HS6ST3: variants seen among roughly 807,000 people sequenced by gnomAD.
HS6ST3 encodes heparan sulfate 6-O-sulfotransferase 3.
A neutral mutation model predicts 36.7 loss-of-function variants in HS6ST3; 12 were observed. The ratio of observed to expected loss-of-function variants is 0.33; its 90% CI spans 0.21 to 0.53. The LOEUF is 0.53. Ranked by LOEUF, HS6ST3 falls within the 20% of genes least tolerant of loss-of-function variation. The probability of loss-of-function intolerance (pLI) is 0.95; values close to 1 mark genes in which losing one functional copy is unlikely to be tolerated. For synonymous variants in HS6ST3, 240 were observed against 257.5 expected (o/e 0.93, Z 0.65); for missense variants, 584 against 640.9 (o/e 0.91, Z 0.96).
chr13:96,334,593 G>T (rs1208056386), intron 1 of HS6ST3, among the ~76,000 whole-genome samples: 2 of 152,234 alleles, frequency 1.3e-5, no homozygotes, highest in African/African-American at 4.8e-5. Context: ...AATGATGGTG[G>T]AAGTCAAGGA....
chr13:96,475,630 A>G (rs2055860428), intron 1 of HS6ST3, among the ~76,000 whole-genome samples: 1 of 151,012 alleles, frequency 6.6e-6, no homozygotes, highest in Non-Finnish European at 1.5e-5. Context: ...AAAAAAAAAA[A>G]GAAAAGAAAG....
At chr13:96,799,121 G>A (rs966804139) in intron 1 of HS6ST3, among the ~76,000 whole-genome samples, 2 of 152,088 alleles carry the variant, frequency 1.3e-5, no homozygotes, top group Non-Finnish European at 2.9e-5. Flanking sequence ...TTCGACTTAT[G>A]AATCTTTTAA....
chr13:96,127,854 A>T (rs982715963), intron 1 of HS6ST3, among the ~76,000 whole-genome samples: 4 of 152,204 alleles, frequency 2.6e-5, no homozygotes, highest in Non-Finnish European at 4.4e-5. Context: ...GAACTGTAAC[A>T]TTCTGGTTAT....
intron 1 of HS6ST3, among the ~76,000 whole-genome samples, chr13:96,246,010 A>C (rs1392522598): frequency 6.6e-6 from 1 of 152,178 alleles, no homozygotes; most frequent in African/African-American, 2.4e-5. Flanking sequence ...AATGTTAAAA[A>C]AAGATTAGGG....
intron 1 of HS6ST3, among the ~76,000 whole-genome samples, chr13:96,445,728 C>T (rs1446140523): frequency 6.6e-6 from 1 of 151,034 alleles, no homozygotes; most frequent in Non-Finnish European, 1.5e-5. Flanking sequence ...AATAACCAGG[C>T]GTGGTGGTAT....
At chr13:96,223,224 T>C (rs919462410) in intron 1 of HS6ST3, among the ~76,000 whole-genome samples, 1 of 152,156 alleles carries the variant, frequency 6.6e-6, no homozygotes, top group East Asian at 1.9e-4. Flanking sequence ...ATGAGTGACA[T>C]TGGAGCAGGG....
At chr13:96,516,908 G>GTTTTGT (rs2056074911) in intron 1 of HS6ST3, among the ~76,000 whole-genome samples, 1 of 152,116 alleles carries the variant, frequency 6.6e-6, no homozygotes, top group African/African-American at 2.4e-5. Context: ...GTTGGTTTTG[G>GTTTTGT]TTCAGAGCTA....
intron 1 of HS6ST3, among the ~76,000 whole-genome samples, chr13:96,311,845 G>A (rs2054942320): frequency 6.6e-6 from 1 of 152,164 alleles, no homozygotes; most frequent in Non-Finnish European, 1.5e-5. Context: ...AAACCATTGT[G>A]GAGAAGAATG....
At chr13:96,773,145 C>T (rs1373995560) in intron 1 of HS6ST3, among the ~76,000 whole-genome samples, 2 of 152,216 alleles carry the variant, frequency 1.3e-5, no homozygotes, top group African/African-American at 2.4e-5. Flanking sequence ...AGAAACTATG[C>T]TTTTACCATG....
chr13:96,377,497 A>G (rs1055232023), intron 1 of HS6ST3, among the ~76,000 whole-genome samples: 1 of 152,200 alleles, frequency 6.6e-6, no homozygotes, highest in Non-Finnish European at 1.5e-5. Context: ...TATTTTTGCT[A>G]TATTATTTAG....
At chr13:96,194,101 C>T (rs190107500) in intron 1 of HS6ST3, among the ~76,000 whole-genome samples, 2 of 152,256 alleles carry the variant, frequency 1.3e-5, no homozygotes, top group Admixed American at 1.3e-4. Context: ...GACATTTTCC[C>T]CTGCCCATTC....
chr13:96,570,736 T>C (rs1313472688), intron 1 of HS6ST3, among the ~76,000 whole-genome samples: 1 of 152,114 alleles, frequency 6.6e-6, no homozygotes, highest in Non-Finnish European at 1.5e-5. Context: ...GTAGCAGAAA[T>C]ATGACAAGGA....
At chr13:96,178,847 T>G (rs548629696) in intron 1 of HS6ST3, among the ~76,000 whole-genome samples, 212 of 152,304 alleles carry the variant, frequency 1.4e-3, no homozygotes, top group African/African-American at 4.8e-3. Flanking sequence ...CTGATGAAAT[T>G]AAAATGAAAG....
At chr13:96,416,676 T>G (rs1266138331) in intron 1 of HS6ST3, among the ~76,000 whole-genome samples, 4 of 144,398 alleles carry the variant, frequency 2.8e-5, no homozygotes, top group Non-Finnish European at 6.1e-5. Flanking sequence ...TTTTTTTTTT[T>G]GAAAGCTCTT....
At chr13:96,712,747 G>A in intron 1 of HS6ST3, among the ~76,000 whole-genome samples, 1 of 151,960 alleles carries the variant, frequency 6.6e-6, no homozygotes, top group African/African-American at 2.4e-5. Flanking sequence ...CCAAGAATCT[G>A]ATGCAAATTC....
At chr13:96,690,611 G>T (rs1168177636) in intron 1 of HS6ST3, among the ~76,000 whole-genome samples, 1 of 151,994 alleles carries the variant, frequency 6.6e-6, no homozygotes, top group Non-Finnish European at 1.5e-5. Context: ...ACCTCCATTT[G>T]CCTGGACAGA....
In HS6ST3 at chr13:96,798,634, C is replaced by T. The variant is rs374919256; in HGVS notation, c.708-33856C>T. ...TGAGGAAGGTCACTTAATTTCTCTG[C>T]GCCTCAATGTCCTCATCTATAAAAT... On this transcript the variant is annotated intron_variant, in intron 1 of 1. Transcript: ENST00000376705. 9.2e-5 allele frequency among the ~76,000 whole-genome samples: 14 copies of T among 152,148 alleles called. No homozygotes were observed. The East Asian group carries it at 1.2e-3, about 13-fold the overall frequency.
At chr13:96,490,725 A>G (rs2055940589) in intron 1 of HS6ST3, among the ~76,000 whole-genome samples, 1 of 152,196 alleles carries the variant, frequency 6.6e-6, no homozygotes, top group Non-Finnish European at 1.5e-5. Flanking sequence ...ACTCCCCAGA[A>G]TATCTACAAA....
At chr13:96,148,321 A>G (rs1319301517) in intron 1 of HS6ST3, among the ~76,000 whole-genome samples, 1 of 152,222 alleles carries the variant, frequency 6.6e-6, no homozygotes, top group African/African-American at 2.4e-5. Context: ...ACAAAGCTAT[A>G]TATTCAATGA....
Sources: allele counts gnomAD v4.1 joint callset (sites outside exome capture counted in the v4.1 genomes callset), GRCh38; gene constraint gnomAD v4.1.1; transcripts MANE v1.5; gene names NCBI Gene and HGNC (gene_info 2026-07-23, HGNC 2026-07-21).